Variants in FLRT2 observed in about 807,000 individuals in gnomAD.
FLRT2 encodes the protein fibronectin leucine rich transmembrane protein 2, also known as leucine-rich repeat transmembrane protein FLRT2.
Under a neutral mutation model 40.0 loss-of-function variants are expected in FLRT2, and 15 were observed. The ratio of observed to expected loss-of-function variants is 0.38; its 90% CI spans 0.25 to 0.58. The LOEUF (loss-of-function observed/expected upper bound fraction) is 0.58, where lower values mean the gene tolerates loss of function less well. FLRT2 is among the 20% of genes least tolerant of loss of function. FLRT2 has a pLI of 0.71. For missense variants in FLRT2, 726 were observed against 840.0 expected, an observed-to-expected ratio of 0.86 and a Z score of 1.68; for synonymous variants, 380 against 336.8, an observed-to-expected ratio of 1.13 and a Z score of -1.41.
rs1241527136 is a variant in FLRT2, at chr14:85,638,056, A to G, written c.*14559A>G. ...AGAAGTGAAATGTTTAGTAACCATT[A>G]TGATGGAAGCTGGGACTAGGTGACT... On this transcript the variant is annotated 3_prime_UTR_variant, in exon 2 of 2. Transcript: ENST00000330753. 3.3e-5 allele frequency: 5 copies of G among 152,208 alleles called. No individual in the cohort carries two copies. Among genetic ancestry groups the G allele is most frequent in the Non-Finnish European group, 7.3e-5 (5 of 68,054 alleles). The allele number at this position is 152,208 out of a possible 1,614,324, so 9.4% of individuals were successfully genotyped here. A position where few individuals can be genotyped will look rare whatever the true frequency, so the allele number is the denominator to read the frequency against.
rs1293669507 is a variant in FLRT2 at position 85,644,375 on chromosome 14, C to A, written c.*20878C>A. 6.6e-6 allele frequency: 1 copy of A among 152,134 alleles called. No homozygotes were observed. Among genetic ancestry groups the A allele is most frequent in the African/African-American group, 2.4e-5 (1 of 41,424 alleles). 9.4% of individuals were successfully genotyped at this position (152,134 alleles called of 1,614,324 possible). On this transcript the variant is annotated 3_prime_UTR_variant, in exon 2 of 2. Coordinates refer to ENST00000330753, the MANE Select transcript of FLRT2 (RefSeq NM_013231.6). Reference sequence around the variant, plus strand: ...GTCTGCTTTCACTTTCATTAACACGCCCCATGGAGATATCATGAATTACTC... The same window carrying A: ...GTCTGCTTTCACTTTCATTAACACGACCCATGGAGATATCATGAATTACTC...
intron 1 of FLRT2, among the ~76,000 whole-genome samples, chr14:85,588,231 TG>T (rs1391920591): frequency 2.0e-5 from 3 of 152,282 alleles, no homozygotes; most frequent in Admixed American, 2.0e-4. Flanking sequence ...CCTCACATCT[TG>T]TTAAGTGAAA....
rs532120516 is a variant in FLRT2 at position 85,533,127 on chromosome 14, G to C, written c.-377+2593G>C. ...CCCAAGCATTCTTTAAACCAGAAAAGTAGGAGGGACTCCGGGAGAGAGGGA... is the reference window on the plus strand; with the variant it reads ...CCCAAGCATTCTTTAAACCAGAAAACTAGGAGGGACTCCGGGAGAGAGGGA... On this transcript the variant is annotated intron_variant, in intron 1 of 1. Transcript: ENST00000330753. Among the ~76,000 whole-genome samples, 45 of 152,272 alleles carry C rather than the reference G, an allele frequency of 3.0e-4. No homozygotes were observed. In the South Asian group the frequency reaches 9.3e-3, roughly 32 times the overall value.
intron 1 of FLRT2, chr14:85,561,042 C>T (rs901804581): frequency 6.6e-6 from 1 of 152,162 alleles, no homozygotes; most frequent in Non-Finnish European, 1.5e-5. Context: ...GGCTCACTGT[C>T]AGTATGTAGA....
rs1894272241 is a variant in FLRT2, at chr14:85,645,339, T to G, written c.*21842T>G. ...ACATATAAATGTGTGCGTGTATATA[T>G]ATATGATTGGCTGAGTGCTCTATTT... On this transcript the variant is annotated 3_prime_UTR_variant, in exon 2 of 2. Coordinates refer to ENST00000330753, the MANE Select transcript of FLRT2 (RefSeq NM_013231.6). 1 of 152,024 alleles carries G rather than the reference T, an allele frequency of 6.6e-6. No individual in the cohort carries two copies. Among genetic ancestry groups the G allele is most frequent in the Non-Finnish European group, 1.5e-5 (1 of 68,010 alleles). The allele number at this position is 152,024 out of a possible 1,614,324, so 9.4% of individuals were successfully genotyped here.
In FLRT2 at chr14:85,638,407, C is replaced by T. The variant is rs1038777935; in HGVS notation, c.*14910C>T. 2.0e-5 allele frequency: 3 copies of T among 152,380 alleles called. No homozygotes were observed. Among genetic ancestry groups the T allele is most frequent in the African/African-American group, 2.4e-5 (1 of 41,562 alleles). The allele number at this position is 152,380 out of a possible 1,614,324, so 9.4% of individuals were successfully genotyped here. A position where few individuals can be genotyped will look rare whatever the true frequency, so the allele number is the denominator to read the frequency against. On this transcript the variant is annotated 3_prime_UTR_variant, in exon 2 of 2. Transcript: ENST00000330753. Reference sequence around the variant, plus strand: ...TTAGACATCTTACTCCAGCTCAGATCAGCTCTGATGGGCTGCAGGCTCAGT... The same window carrying T: ...TTAGACATCTTACTCCAGCTCAGATTAGCTCTGATGGGCTGCAGGCTCAGT...
At chr14:85,596,403 G>A (rs909833259) in intron 1 of FLRT2, among the ~76,000 whole-genome samples, 12 of 152,166 alleles carry the variant, frequency 7.9e-5, no homozygotes, top group Non-Finnish European at 1.8e-4. Flanking sequence ...CCTTTCTGAG[G>A]AGCTCCAGCA....
intron 1 of FLRT2, among the ~76,000 whole-genome samples, chr14:85,567,271 G>T (rs1029389317): frequency 6.6e-6 from 1 of 152,130 alleles, no homozygotes; most frequent in Non-Finnish European, 1.5e-5. Context: ...TCCCTGGTGG[G>T]TGTCTGCTTG....
At chr14:85,579,371 A>G (rs1433533092) in intron 1 of FLRT2, among the ~76,000 whole-genome samples, 1 of 152,202 alleles carries the variant, frequency 6.6e-6, no homozygotes, top group Non-Finnish European at 1.5e-5. Flanking sequence ...CTCTGGAGCC[A>G]GCTTATTCAT....
Position 85,647,747 on chromosome 14 carries a change from TG to T in FLRT2, c.*24252del, listed in dbSNP as rs1894339989. 6.6e-6 allele frequency: 1 copy of T among 152,160 alleles called. No individual in the cohort carries two copies. Among genetic ancestry groups the T allele is most frequent in the South Asian group, 2.1e-4 (1 of 4,826 alleles). The allele number at this position is 152,160 out of a possible 1,614,324, so 9.4% of individuals were successfully genotyped here. A position where few individuals can be genotyped will look rare whatever the true frequency, so the allele number is the denominator to read the frequency against. On this transcript the variant is annotated 3_prime_UTR_variant, in exon 2 of 2. Coordinates refer to ENST00000330753, the MANE Select transcript of FLRT2 (RefSeq NM_013231.6). ...TTCCATGCTTTTTTGTCAAGTTAAATGGACAACTATCGCAACCACATACAGG... is the reference window on the plus strand; with the variant it reads ...TTCCATGCTTTTTTGTCAAGTTAAATGACAACTATCGCAACCACATACAGG...
rs1356352991 is a variant in FLRT2 at position 85,651,346 on chromosome 14, A to G, written c.*27849A>G. 1 of 151,800 alleles carries G rather than the reference A, an allele frequency of 6.6e-6. No homozygotes were observed. The highest frequency in any genetic ancestry group is 1.5e-5 in the Non-Finnish European group (1 of 67,930). The allele number at this position is 151,800 out of a possible 1,614,324, so 9.4% of individuals were successfully genotyped here. A position where few individuals can be genotyped will look rare whatever the true frequency, so the allele number is the denominator to read the frequency against. ...AATTTGGTCAGTTGCTTTAAATTAG[A>G]GATTTTGCCTGATTGTTATCTACAG... On this transcript the variant is annotated 3_prime_UTR_variant, in exon 2 of 2. Coordinates refer to ENST00000330753, the MANE Select transcript of FLRT2 (RefSeq NM_013231.6).
intron 1 of FLRT2, among the ~76,000 whole-genome samples, chr14:85,549,240 T>G (rs1566721593): frequency 6.6e-6 from 1 of 151,800 alleles, no homozygotes; most frequent in African/African-American, 2.4e-5. Flanking sequence ...GTCTAACACT[T>G]AAGCCATCCA....
At chr14:85,537,226 C>T (rs1023966128) in intron 1 of FLRT2, among the ~76,000 whole-genome samples, 1 of 152,036 alleles carries the variant, frequency 6.6e-6, no homozygotes. Context: ...CAATTTTAGC[C>T]GATTATTTCA....
chr14:85,578,216 G>A (rs927530915), intron 1 of FLRT2, among the ~76,000 whole-genome samples: 34 of 140,542 alleles, frequency 2.4e-4, no homozygotes, highest in South Asian at 4.5e-4. Context: ...ATAAATATAC[G>A]TATATATATT....
rs1011305704 is a variant in FLRT2, at chr14:85,643,274, C to T, written c.*19777C>T. 5.3e-5 allele frequency: 8 copies of T among 152,100 alleles called. No homozygotes were observed. Among genetic ancestry groups the T allele is most frequent in the African/African-American group, 1.9e-4 (8 of 41,324 alleles). 9.4% of individuals were successfully genotyped at this position (152,100 alleles called of 1,614,324 possible). A position where few individuals can be genotyped will look rare whatever the true frequency, so the allele number is the denominator to read the frequency against. The stretch of plus-strand genomic sequence containing the variant: ...TCTAAAAACATCTCATGAGAGAGTT[C>T]AGAGGGTATTTCTTTTTTTTCTTTC... On this transcript the variant is annotated 3_prime_UTR_variant, in exon 2 of 2. Transcript: ENST00000330753.
At chr14:85,564,390 C>T (rs899938858) in intron 1 of FLRT2, among the ~76,000 whole-genome samples, 2 of 152,024 alleles carry the variant, frequency 1.3e-5, no homozygotes, top group Non-Finnish European at 2.9e-5. Context: ...ACAAATGAAT[C>T]GTCTTAGAGA....
chr14:85,586,117 G>A (rs928666353), intron 1 of FLRT2, among the ~76,000 whole-genome samples: 1 of 147,616 alleles, frequency 6.8e-6, no homozygotes, highest in Admixed American at 6.8e-5. Flanking sequence ...TATATAATCA[G>A]TGTTTATATA....
At chr14:85,586,838 C>G (rs1042089816) in intron 1 of FLRT2, among the ~76,000 whole-genome samples, 1 of 152,104 alleles carries the variant, frequency 6.6e-6, no homozygotes, top group Non-Finnish European at 1.5e-5. Context: ...TCAGTTTAGT[C>G]GTGATCCTGT....
rs977001711 is a variant in FLRT2, at chr14:85,641,234, G to C, written c.*17737G>C. 1 of 152,184 alleles carries C rather than the reference G, an allele frequency of 6.6e-6. No homozygotes were observed. Among genetic ancestry groups the C allele is most frequent in the African/African-American group, 2.4e-5 (1 of 41,438 alleles). 9.4% of individuals were successfully genotyped at this position (152,184 alleles called of 1,614,324 possible). ...ACAGTCAGCTTTTTCCCTGGATATGGCTTATTGGTATTCATTATTCCCAAT... is the reference window on the plus strand; with the variant it reads ...ACAGTCAGCTTTTTCCCTGGATATGCCTTATTGGTATTCATTATTCCCAAT... On this transcript the variant is annotated 3_prime_UTR_variant, in exon 2 of 2. Coordinates refer to ENST00000330753, the MANE Select transcript of FLRT2 (RefSeq NM_013231.6).
Sources: gnomAD v4.1 joint callset for allele counts (sites outside exome capture counted in the v4.1 genomes callset) on GRCh38, gnomAD v4.1.1 for gene constraint, MANE v1.5 for transcripts, NCBI Gene and HGNC (gene_info 2026-07-23, HGNC 2026-07-21) for gene names.